The following TENM3 variants were observed in gnomAD, a reference collection of about 807,000 sequenced individuals.
The protein encoded by TENM3 is teneurin-3.
TENM3 carries 63 observed loss-of-function variants against 255.1 expected under a neutral mutation model. That is an observed-to-expected ratio of 0.25 (90% CI 0.20 to 0.30). The LOEUF (loss-of-function observed/expected upper bound fraction) is 0.30, where lower values mean the gene tolerates loss of function less well. Among genes scored for constraint, TENM3 ranks in the 10% least tolerant of loss-of-function variants. The pLI is 1.00. For missense variants in TENM3, 2,929 were observed against 3,461.1 expected, an observed-to-expected ratio of 0.85 and a Z score of 3.86; for synonymous variants, 1,306 against 1,322.3, an observed-to-expected ratio of 0.99 and a Z score of 0.27.
At chr4:182,387,149 G>A (rs983423020) in intron 3 of TENM3, among the ~76,000 whole-genome samples, 4 of 151,444 alleles carry the variant, frequency 2.6e-5, no homozygotes, top group African/African-American at 9.7e-5. Flanking sequence ...TGGTGGGGAC[G>A]TGGAGAACCT....
the TENM3 span, among the ~76,000 whole-genome samples, chr4:181,983,981 A>C: frequency 6.6e-6 from 1 of 152,098 alleles, no homozygotes; most frequent in Non-Finnish European, 1.5e-5. Context: ...AGTCTATATG[A>C]GTATCAGTTT....
intron 3 of TENM3, among the ~76,000 whole-genome samples, chr4:182,444,863 C>A (rs551977169): frequency 1.3e-5 from 2 of 152,102 alleles, no homozygotes; most frequent in Non-Finnish European, 2.9e-5. Context: ...TGCAATGGCG[C>A]GATCTGGGCT....
chr4:182,524,457 G>A (rs1738930862), intron 3 of TENM3, among the ~76,000 whole-genome samples: 1 of 142,848 alleles, frequency 7.0e-6, no homozygotes, highest in Non-Finnish European at 1.5e-5. Context: ...CACCTCCCAG[G>A]CTCAAGCAAT....
At chr4:181,483,371 A>G in the TENM3 span, among the ~76,000 whole-genome samples, 1 of 152,162 alleles carries the variant, frequency 6.6e-6, no homozygotes, top group African/African-American at 2.4e-5. Flanking sequence ...TTGAGCGAAC[A>G]TCATCAGAAA....
the TENM3 span, among the ~76,000 whole-genome samples, chr4:181,562,354 C>G: frequency 6.6e-6 from 1 of 152,052 alleles, no homozygotes; most frequent in South Asian, 2.1e-4. Flanking sequence ...CCAGTTATCA[C>G]TTTAATGTAC....
intron 25 of TENM3, among the ~76,000 whole-genome samples, chr4:182,791,603 A>AT (rs1192301663): frequency 6.6e-6 from 1 of 152,192 alleles, no homozygotes; most frequent in Admixed American, 6.5e-5. Flanking sequence ...AGAAAAGGAG[A>AT]TTTTATTGTC....
chr4:182,337,565 C>T (rs1764223399), intron 2 of TENM3, among the ~76,000 whole-genome samples: 1 of 152,114 alleles, frequency 6.6e-6, no homozygotes, highest in African/African-American at 2.4e-5. Context: ...GGATGTGGAA[C>T]AACTGAAACT....
the TENM3 span, among the ~76,000 whole-genome samples, chr4:181,917,585 G>A: frequency 9.0e-3 from 1,363 of 151,456 alleles, 13 homozygotes; most frequent in African/African-American, 0.031. Flanking sequence ...CTACACATCA[G>A]TTCAGGAGCT....
At chr4:181,451,558 G>A in the TENM3 span, among the ~76,000 whole-genome samples, 1 of 152,124 alleles carries the variant, frequency 6.6e-6, no homozygotes, top group Non-Finnish European at 1.5e-5. Context: ...CACCAGTTGA[G>A]GAAGAAGAAA....
chr4:182,639,348 A>G (rs1752102765), intron 5 of TENM3, among the ~76,000 whole-genome samples: 1 of 152,212 alleles, frequency 6.6e-6, no homozygotes, highest in Non-Finnish European at 1.5e-5. Flanking sequence ...CCTCAATATA[A>G]ACAAGTTTCA....
At chr4:181,560,576 C>G in the TENM3 span, among the ~76,000 whole-genome samples, 1 of 152,006 alleles carries the variant, frequency 6.6e-6, no homozygotes, top group Non-Finnish European at 1.5e-5. Context: ...TGTATGTCTA[C>G]AACACACACT....
At chr4:181,563,514 T>C in the TENM3 span, among the ~76,000 whole-genome samples, 1 of 152,284 alleles carries the variant, frequency 6.6e-6, no homozygotes, top group African/African-American at 2.4e-5. Flanking sequence ...AGCAAATAAA[T>C]GGGGATGAAG....
At chr4:182,707,980 A>G (rs1239030099) in intron 12 of TENM3, 1 of 148,412 alleles carries the variant, frequency 6.7e-6, no homozygotes, top group African/African-American at 2.5e-5. Flanking sequence ...TACTGGGGGG[A>G]AAAAACACCT....
the TENM3 span, among the ~76,000 whole-genome samples, chr4:181,830,436 AT>A: frequency 6.6e-6 from 1 of 151,772 alleles, no homozygotes; most frequent in South Asian, 2.1e-4. Flanking sequence ...TGCCCAGCTA[AT>A]TTTTTTAGTA....
At chr4:182,601,422 G>T (rs1747842517) in intron 4 of TENM3, among the ~76,000 whole-genome samples, 1 of 148,514 alleles carries the variant, frequency 6.7e-6, no homozygotes, top group African/African-American at 2.4e-5. Flanking sequence ...ACCACTGTTT[G>T]TTTTTTTCTT....
At chr4:181,960,692 T>TTGTGTATACACTATACACAAATATAG in the TENM3 span, among the ~76,000 whole-genome samples, 1 of 152,186 alleles carries the variant, frequency 6.6e-6, no homozygotes, top group African/African-American at 2.4e-5. Context: ...ATCTATAATT[T>TTGTGTATACACTATACACAAATATAG]TGTATACACT....
chr4:182,680,831 G>A (rs966473070), intron 10 of TENM3, 94 bp downstream of exon 10: 23 of 964,642 alleles, frequency 2.4e-5, no homozygotes, highest in African/African-American at 6.9e-5. Context: ...TCTTTTATAC[G>A]CTTCCTTTTG....
chr4:181,845,830 G>A, the TENM3 span, among the ~76,000 whole-genome samples: 1 of 152,202 alleles, frequency 6.6e-6, no homozygotes, highest in African/African-American at 2.4e-5. Context: ...TACAGCGGGT[G>A]TTCCTGAATC....
At chr4:182,750,730 A>G (rs1398501827) in intron 19 of TENM3, among the ~76,000 whole-genome samples, 1 of 152,118 alleles carries the variant, frequency 6.6e-6, no homozygotes, top group African/African-American at 2.4e-5. Flanking sequence ...ATGTGGAAAG[A>G]GGGAGAGGAA....
Sources: gnomAD v4.1 joint callset for allele counts (sites outside exome capture counted in the v4.1 genomes callset) on GRCh38, gnomAD v4.1.1 for gene constraint, MANE v1.5 for transcripts, NCBI Gene and HGNC (gene_info 2026-07-23, HGNC 2026-07-21) for gene names.